The following GIGYF2 variants were observed in gnomAD, a reference collection of about 807,000 sequenced individuals.
The protein encoded by GIGYF2 is GRB10 interacting GYF protein 2.
Under a neutral mutation model 208.1 loss-of-function variants are expected in GIGYF2, and 25 were observed. That is an observed-to-expected ratio of 0.12 (90% CI 0.09 to 0.17). The LOEUF (loss-of-function observed/expected upper bound fraction) is 0.17. GIGYF2 is among the 10% of genes least tolerant of loss of function. GIGYF2 has a pLI of 1.00. For missense variants in GIGYF2, 1,302 were observed against 1,579.4 expected (o/e 0.82, Z 2.98); for synonymous variants, 534 against 543.8 (o/e 0.98, Z 0.25).
At chr2:232,839,708 A>G (rs776565444) in intron 22 of GIGYF2, 141 bp from the exon 23 acceptor site, 640 of 863,882 alleles carry the variant, frequency 7.4e-4, no homozygotes, top group Non-Finnish European at 9.7e-4. Context: ...AGTAAAAGCA[A>G]TGAAGAAGGA....
chr2:232,725,807 G>A (rs1308008583), intron 2 of GIGYF2, among the ~76,000 whole-genome samples: 1 of 152,064 alleles, frequency 6.6e-6, no homozygotes, highest in Non-Finnish European at 1.5e-5. Flanking sequence ...TCTGGTTAGG[G>A]GTTACCAGAT....
In GIGYF2 at chr2:232,847,426, A is replaced by G. The variant is rs1355724179; in HGVS notation, c.3539A>G (p.Asp1180Gly). 1.8e-5 allele frequency: 29 copies of G among 1,613,754 alleles called. No homozygotes were observed. The highest frequency in any genetic ancestry group is 2.4e-5 in the Non-Finnish European group (28 of 1,179,946). ...GATTATATCAGGGCCTATTTAGGAG[A>G]TACTTCTGAGGCCAAGGAGTTTGCC... Reference protein sequence around the residue: ...VHDYIRAYLGDTSEAKEFAKQ... With the variant: ...VHDYIRAYLGGTSEAKEFAKQ... The change falls in exon 27 of 29, where the codon GAT becomes GGT. Residue 1180 changes from aspartate (D) to glycine (G), a missense_variant. Asp to Gly is a moderately conservative substitution (Grantham distance 94). This residue lies in a region of GIGYF2 where 701 missense variants were observed against 793.0 expected (regional missense o/e 0.88). Transcript: ENST00000373563.
intron 8 of GIGYF2, among the ~76,000 whole-genome samples, chr2:232,770,562 C>G (rs1186014271): frequency 6.6e-6 from 1 of 151,292 alleles, no homozygotes; most frequent in African/African-American, 2.4e-5. Context: ...ATGTATTTGA[C>G]AAAATGATTA....
In GIGYF2 at chr2:232,795,733, A is replaced by G. The variant is rs569945871; in HGVS notation, c.1480-329A>G. Among the ~76,000 whole-genome samples, 58 of 152,272 alleles carry G rather than the reference A, an allele frequency of 3.8e-4. 1 individual carries two copies. The South Asian group carries it at 0.012, about 31-fold the overall frequency. ...GATAACGTGATGAGATCTCATCTCT[A>G]TTAAAAACAAACAAAGTACTCTTAC... On this transcript the variant is annotated intron_variant, in intron 13 of 28. Transcript: ENST00000373563.
chr2:232,725,395 C>G (rs1294503380), intron 2 of GIGYF2, among the ~76,000 whole-genome samples: 1 of 152,172 alleles, frequency 6.6e-6, no homozygotes, highest in African/African-American at 2.4e-5. Flanking sequence ...CCCCCTGTCC[C>G]CCTTTATCCT....
At chr2:232,811,034 C>G in intron 16 of GIGYF2, 1 of 514,894 alleles carries the variant, frequency 1.9e-6, no homozygotes, top group Middle Eastern at 5.5e-4. Flanking sequence ...CACTCGGAAA[C>G]ACGCCATCTA....
At chr2:232,737,592 A>G (rs574542355) in intron 3 of GIGYF2, among the ~76,000 whole-genome samples, 20 of 152,292 alleles carry the variant, frequency 1.3e-4, no homozygotes, top group Admixed American at 2.6e-4. Context: ...CAGTAGGAGT[A>G]GAGAGTACTA....
intron 2 of GIGYF2, chr2:232,705,396 T>C (rs576311970): frequency 6.6e-6 from 1 of 152,058 alleles, no homozygotes; most frequent in South Asian, 2.1e-4. Context: ...TGAAGTCCTG[T>C]GTATTTATTT....
intron 2 of GIGYF2, among the ~76,000 whole-genome samples, chr2:232,720,583 ATTTTTGTTTGTT>A (rs1389865973): frequency 6.9e-6 from 1 of 144,918 alleles, no homozygotes; most frequent in Non-Finnish European, 1.5e-5. Flanking sequence ...ATATATATAT[ATTTTTGTTTGTT>A]TGTTTGTTTG....
intron 4 of GIGYF2, among the ~76,000 whole-genome samples, chr2:232,748,456 T>C (rs1253389401): frequency 6.6e-6 from 1 of 152,192 alleles, no homozygotes. Flanking sequence ...CTAATTTTTT[T>C]GTATTTTTGG....
intron 2 of GIGYF2, among the ~76,000 whole-genome samples, chr2:232,733,571 C>T (rs74971913): frequency 0.016 from 2,427 of 152,250 alleles, 80 homozygotes; most frequent in African/African-American, 0.056. Context: ...GAATCCTTAA[C>T]TTGGTCCCCA....
At chr2:232,708,365 G>A (rs1696226569) in intron 2 of GIGYF2, among the ~76,000 whole-genome samples, 1 of 152,216 alleles carries the variant, frequency 6.6e-6, no homozygotes, top group South Asian at 2.1e-4. Flanking sequence ...CAACGGGTTG[G>A]GAGTTTGGGG....
chr2:232,747,906 A>G (rs1164448349), intron 4 of GIGYF2, among the ~76,000 whole-genome samples, 162 bp downstream of exon 4: 1 of 151,918 alleles, frequency 6.6e-6, no homozygotes, highest in Non-Finnish European at 1.5e-5. Context: ...TTAACAGAGG[A>G]TCTTCTAAGT....
intron 14 of GIGYF2, among the ~76,000 whole-genome samples, chr2:232,797,054 A>G (rs1700243109): frequency 6.7e-6 from 1 of 148,688 alleles, no homozygotes; most frequent in Non-Finnish European, 1.5e-5. Flanking sequence ...AGGTGATGGC[A>G]GCAGTAGTGT....
Position 232,730,725 on chromosome 2 carries a change from C to T in GIGYF2, c.-43-4430C>T, listed in dbSNP as rs1331594277. Reference sequence around the variant, plus strand: ...CATCCCGGCTAAAATGGTGAAACCCCGTCTCTACTAAAAATACAAAAAATT... The same window carrying T: ...CATCCCGGCTAAAATGGTGAAACCCTGTCTCTACTAAAAATACAAAAAATT... On this transcript the variant is annotated intron_variant, in intron 2 of 28. Transcript: ENST00000373563. Among the ~76,000 whole-genome samples the T allele has an allele frequency of 5.4e-5, 8 of 149,066 alleles. No homozygotes were observed. The East Asian group carries it at 1.4e-3, about 26-fold the overall frequency.
At chr2:232,762,737 T>C (rs1243875619) in intron 8 of GIGYF2, among the ~76,000 whole-genome samples, 1 of 152,184 alleles carries the variant, frequency 6.6e-6, no homozygotes, top group East Asian at 1.9e-4. Flanking sequence ...TACGTAGTTA[T>C]ATTTATATTA....
chr2:232,735,460 A>G (rs1430300085), intron 3 of GIGYF2: 1 of 432,590 alleles, frequency 2.3e-6, no homozygotes. Context: ...TATATATGTA[A>G]TGATGGCGGG....
chr2:232,741,453 T>G (rs1191104430), intron 3 of GIGYF2, among the ~76,000 whole-genome samples: 1 of 152,052 alleles, frequency 6.6e-6, no homozygotes, highest in Non-Finnish European at 1.5e-5. Context: ...TTTTCTTTTT[T>G]TTTGTTTGAA....
At chr2:232,820,185 T>A (rs952955767) in intron 21 of GIGYF2, among the ~76,000 whole-genome samples, 200 bp downstream of exon 21, 8 of 152,184 alleles carry the variant, frequency 5.3e-5, no homozygotes, top group African/African-American at 1.9e-4. Context: ...AAATAAAATT[T>A]GTCTTATCTT....
Sources: allele counts gnomAD v4.1 joint callset (sites outside exome capture counted in the v4.1 genomes callset), GRCh38; gene constraint gnomAD v4.1.1; regional missense constraint gnomAD v4.1.1; transcripts MANE v1.5; gene names NCBI Gene and HGNC (gene_info 2026-07-23, HGNC 2026-07-21).